Variants in CFAP251 observed in about 807,000 individuals in gnomAD.
CFAP251 encodes cilia- and flagella-associated protein 251.
CFAP251 carries 93 observed loss-of-function variants against 126.7 expected under a neutral mutation model. The ratio of observed to expected loss-of-function variants is 0.73; its 90% CI spans 0.62 to 0.87. CFAP251 has a LOEUF of 0.87. Among genes scored for constraint, CFAP251 ranks in the 40% least tolerant of loss-of-function variants. The probability of loss-of-function intolerance (pLI) is 0.00; values close to 1 mark genes in which losing one functional copy is unlikely to be tolerated. For missense variants in CFAP251, 1,287 were observed against 1,389.2 expected (o/e 0.93, Z 1.17); for synonymous variants, 503 against 506.9 (o/e 0.99, Z 0.10).
At chr12:121,992,003 A>G (rs1223859915) in intron 19 of CFAP251, among the ~76,000 whole-genome samples, 1 of 152,058 alleles carries the variant, frequency 6.6e-6, no homozygotes, top group Non-Finnish European at 1.5e-5. Flanking sequence ...AAAAAAAAAA[A>G]TCAGGTTCTC....
At chr12:121,980,865 A>T (rs1350175560) in intron 19 of CFAP251, among the ~76,000 whole-genome samples, 1 of 152,220 alleles carries the variant, frequency 6.6e-6, no homozygotes, top group Non-Finnish European at 1.5e-5. Flanking sequence ...GGTGCAAACT[A>T]GCTGGCCTGG....
At chr12:121,977,772 G>A (rs550967425) in intron 19 of CFAP251, among the ~76,000 whole-genome samples, 122 of 150,926 alleles carry the variant, frequency 8.1e-4, no homozygotes, top group Non-Finnish European at 1.2e-3. Flanking sequence ...TGGCTAACAC[G>A]GTGAAACCCC....
Position 121,931,843 on chromosome 12 carries a change from C to T in CFAP251, c.845C>T (p.Ala282Val), listed in dbSNP as rs750862045. 1.7e-5 allele frequency: 27 copies of T among 1,603,796 alleles called. No homozygotes were observed. The highest frequency in any genetic ancestry group is 8.6e-5 in the Admixed American group (5 of 58,264). The change falls in exon 4 of 22, where the codon GCG (alanine) becomes GTG (valine). Residue 282 changes from alanine to valine, a missense_variant. Physicochemically the swap from Ala to Val is moderately conservative, Grantham distance 64 (BLOSUM62 0). Coordinates refer to ENST00000288912, the MANE Select transcript of CFAP251 (RefSeq NM_144668.6). ...CTTCTGTATGTTTGTGCTCACACTG[C>T]GATCATCTACAACGTGTTCAGGAAC... The part of the protein sequence containing the change: ...RVLLYVCAHT[A>V]IIYNVFRNNQ...
At chr12:121,939,495 C>A (rs1881022116) in intron 5 of CFAP251, among the ~76,000 whole-genome samples, 1 of 152,146 alleles carries the variant, frequency 6.6e-6, no homozygotes, top group Non-Finnish European at 1.5e-5. Context: ...TGACCAACAC[C>A]TTCACCAGAC....
At chr12:121,951,868 G>A (rs1881540196) in intron 9 of CFAP251, among the ~76,000 whole-genome samples, 1 of 151,830 alleles carries the variant, frequency 6.6e-6, no homozygotes, top group Admixed American at 6.6e-5. Flanking sequence ...ACAGGCGCCT[G>A]CCACCACGCC....
chr12:121,945,551 G>C (rs972432008), intron 7 of CFAP251, among the ~76,000 whole-genome samples: 1 of 150,918 alleles, frequency 6.6e-6, no homozygotes, highest in Non-Finnish European at 1.5e-5. Flanking sequence ...CACCATGTTA[G>C]CCAGGATGGT....
At chr12:121,971,062 C>A (rs1176533963) in intron 17 of CFAP251, among the ~76,000 whole-genome samples, 1 of 152,246 alleles carries the variant, frequency 6.6e-6, no homozygotes, top group Non-Finnish European at 1.5e-5. Context: ...CTCTTGCTAG[C>A]CTTTCCCCTC....
intron 5 of CFAP251, among the ~76,000 whole-genome samples, chr12:121,935,708 G>T (rs1880866080): frequency 6.6e-6 from 1 of 152,202 alleles, no homozygotes; most frequent in African/African-American, 2.4e-5. Context: ...GGGGGTAAAA[G>T]GCAGGCTCAC....
chr12:121,924,011 T>C, intron 3 of CFAP251, 21 bp downstream of exon 3: 1 of 1,461,222 alleles, frequency 6.8e-7, no homozygotes, highest in African/African-American at 2.7e-5. Flanking sequence ...TGCTTTTAAA[T>C]CTCCCCCAGT....
At position 121,978,393 on chromosome 12, in the gene CFAP251, CA is replaced by C. The variant is rs10642280; in HGVS notation, c.3006+2736del. ...TGGGCGACAGAGCAAGACTCTGTCT[CA>C]AAAAAAAAAAAAAAAAAAAAAAAAA... On this transcript the variant is annotated intron_variant, in intron 19 of 21. Coordinates refer to ENST00000288912, the MANE Select transcript of CFAP251 (RefSeq NM_144668.6). Among the ~76,000 whole-genome samples, 84 of 42,090 alleles carry C rather than the reference CA, an allele frequency of 2.0e-3. 1 individual carries two copies. The highest frequency in any genetic ancestry group is 9.9e-3 in the African/African-American group (70 of 7,046). The allele number at this position is 42,090 out of a possible 152,430, so 27.6% of individuals were successfully genotyped here.
chr12:121,936,012 G>A (rs911822336), intron 5 of CFAP251, among the ~76,000 whole-genome samples: 9 of 152,200 alleles, frequency 5.9e-5, no homozygotes, highest in Non-Finnish European at 1.2e-4. Context: ...GTGGGCTTGG[G>A]CAGTGCTGCT....
rs768624426 is a variant in CFAP251, at chr12:121,921,364, T to C, written c.59T>C (p.Met20Thr). 4 of 1,568,404 alleles carry C rather than the reference T, an allele frequency of 2.6e-6. 1 individual carries two copies. The South Asian group carries it at 4.7e-5, about 19-fold the overall frequency. ...ACAGGAGAAAATGGAGAAACAGAAA[T>C]GAAAGAAGAGGAGGAACCTAATCCA... The part of the protein sequence containing the change: ...EATGENGETE[M>T]KEEEEPNPNY... The change falls in exon 2 of 22, where the codon ATG (methionine) becomes ACG (threonine). Residue 20 changes from methionine (M) to threonine (T), a missense_variant. Transcript: ENST00000288912.
At chr12:121,960,845 C>T in intron 14 of CFAP251, 87 bp downstream of exon 14, 8 of 1,446,090 alleles carry the variant, frequency 5.5e-6, no homozygotes, top group Non-Finnish European at 7.6e-6. Flanking sequence ...GAGCCAGGCC[C>T]ACAGTACGTG....
At chr12:121,971,533 G>GA (rs1882328145) in intron 17 of CFAP251, 1 of 702,664 alleles carries the variant, frequency 1.4e-6, no homozygotes, top group Non-Finnish European at 2.6e-6. Flanking sequence ...TGAGTTCCAT[G>GA]TATCATCTGA....
intron 17 of CFAP251, chr12:121,969,852 A>G (rs777121239): frequency 6.1e-5 from 60 of 985,066 alleles, no homozygotes; most frequent in Non-Finnish European, 6.9e-5. Context: ...TAAGAAGAAG[A>G]AAAAAAGGCC....
intron 17 of CFAP251, chr12:121,971,852 G>T (rs1209393219): frequency 2.1e-6 from 1 of 469,276 alleles, no homozygotes; most frequent in Non-Finnish European, 3.9e-6. Context: ...GGAGATGGTT[G>T]GATGGTGGGG....
intron 2 of CFAP251, among the ~76,000 whole-genome samples, chr12:121,922,690 G>A (rs1190200347): frequency 3.3e-5 from 5 of 152,176 alleles, no homozygotes; most frequent in African/African-American, 4.8e-5. Flanking sequence ...GACCACGAGT[G>A]CCACTTAGAA....
chr12:121,957,017 A>G (rs997340619), intron 10 of CFAP251, 57 bp from the exon 11 acceptor site: 12 of 1,393,926 alleles, frequency 8.6e-6, no homozygotes, highest in African/African-American at 1.5e-5. Context: ...TAGGTATTAT[A>G]TAGATGCTAC....
intron 19 of CFAP251, among the ~76,000 whole-genome samples, chr12:121,981,717 G>A (rs1211842479): frequency 6.6e-6 from 1 of 152,190 alleles, no homozygotes; most frequent in Non-Finnish European, 1.5e-5. Context: ...GTTCCTGTGG[G>A]TGAGGAGTAT....
Sources: allele counts gnomAD v4.1 joint callset (sites outside exome capture counted in the v4.1 genomes callset), GRCh38; gene constraint gnomAD v4.1.1; transcripts MANE v1.5; gene names NCBI Gene and HGNC (gene_info 2026-07-23, HGNC 2026-07-21).